Variants in ADK observed in about 807,000 individuals in gnomAD.
ADK encodes N6,N6-dimethyladenosine kinase.
A neutral mutation model predicts 44.7 loss-of-function variants in ADK; 24 were observed. The observed-to-expected ratio is 0.54, with a 90% CI of 0.39 to 0.76. The LOEUF (loss-of-function observed/expected upper bound fraction) is 0.76, where lower values mean the gene tolerates loss of function less well. Among genes scored for constraint, ADK ranks in the 30% least tolerant of loss-of-function variants. The probability of loss-of-function intolerance (pLI) is 0.00; values close to 1 mark genes in which losing one functional copy is unlikely to be tolerated. For missense variants in ADK, 321 were observed against 425.1 expected (o/e 0.76, Z 2.15); for synonymous variants, 128 against 142.6 (o/e 0.90, Z 0.73).
At chr10:74,177,946 T>TATATA (rs1554825917) in intron 1 of ADK, among the ~76,000 whole-genome samples, 74 of 32,252 alleles carry the variant, frequency 2.3e-3, no homozygotes, top group African/African-American at 5.5e-3. Flanking sequence ...TATATATATA[T>TATATA]TTTTTTTTTT....
intron 2 of ADK, among the ~76,000 whole-genome samples, chr10:74,223,300 C>A (rs965385054): frequency 1.3e-5 from 2 of 152,104 alleles, no homozygotes; most frequent in African/African-American, 4.8e-5. Context: ...CATGATAACC[C>A]ATTAATCCAT....
At chr10:74,528,067 G>T in intron 7 of ADK, 2 of 998,270 alleles carry the variant, frequency 2.0e-6, no homozygotes, top group South Asian at 1.3e-5. Context: ...ATAAAATGAC[G>T]ACGTCCTTCT....
At chr10:74,402,522 C>T (rs1424841216) in intron 6 of ADK, among the ~76,000 whole-genome samples, 1 of 152,074 alleles carries the variant, frequency 6.6e-6, no homozygotes, top group Non-Finnish European at 1.5e-5. Context: ...CCCTTTCTTC[C>T]ACTTGATCGA....
Position 74,179,908 on chromosome 10 carries a change from C to G in ADK, c.66-20856C>G, listed in dbSNP as rs375707785. On this transcript the variant is annotated intron_variant, in intron 1 of 10. Transcript: ENST00000539909. ...CCCTCTTGGGGTCTAGATCGGGACC[C>G]CTTTCTGTTAACATTCCCATTTTGT... Among the ~76,000 whole-genome samples the G allele has an allele frequency of 3.1e-4, 47 of 152,238 alleles. 1 individual carries two copies. The Middle Eastern group carries it at 0.01, about 33-fold the overall frequency.
intron 10 of ADK, among the ~76,000 whole-genome samples, chr10:74,673,951 A>G (rs920745318): frequency 2.0e-5 from 3 of 151,980 alleles, no homozygotes; most frequent in African/African-American, 7.2e-5. Flanking sequence ...CCGATGTCCA[A>G]CCGTGGTCTA....
chr10:74,296,824 C>T (rs11000968), intron 3 of ADK, among the ~76,000 whole-genome samples: 19,448 of 151,820 alleles, frequency 0.13, 1,293 homozygotes, highest in Middle Eastern at 0.17. Context: ...CCGTGTTAGC[C>T]AGGATGGTCT....
chr10:74,602,691 A>G (rs1852185838), intron 9 of ADK, among the ~76,000 whole-genome samples: 1 of 152,238 alleles, frequency 6.6e-6, no homozygotes, highest in Non-Finnish European at 1.5e-5. Flanking sequence ...AGGATGCACT[A>G]TATCTGCAAT....
At chr10:74,176,543 G>T in intron 1 of ADK, 1 of 1,278,230 alleles carries the variant, frequency 7.8e-7, no homozygotes, top group Non-Finnish European at 9.9e-7. Flanking sequence ...GCGGGGTGAC[G>T]GGACGCTGTT....
At chr10:74,595,133 A>G (rs1486332308) in intron 8 of ADK, among the ~76,000 whole-genome samples, 1 of 140,490 alleles carries the variant, frequency 7.1e-6, no homozygotes, top group Non-Finnish European at 1.5e-5. Context: ...CTGAAATTGC[A>G]CCATTGCACA....
At chr10:74,513,525 G>A (rs1402178093) in intron 6 of ADK, among the ~76,000 whole-genome samples, 1 of 152,080 alleles carries the variant, frequency 6.6e-6, no homozygotes, top group Non-Finnish European at 1.5e-5. Flanking sequence ...GACTTGAAGA[G>A]TGTTTTACCT....
At chr10:74,623,719 G>A (rs1192422814) in intron 9 of ADK, among the ~76,000 whole-genome samples, 3 of 149,008 alleles carry the variant, frequency 2.0e-5, no homozygotes, top group Non-Finnish European at 4.4e-5. Flanking sequence ...TGTATTCTAG[G>A]CATATATATA....
chr10:74,227,825 A>G (rs1407441204), intron 3 of ADK, among the ~76,000 whole-genome samples: 1 of 152,034 alleles, frequency 6.6e-6, no homozygotes, highest in Non-Finnish European at 1.5e-5. Flanking sequence ...CCTGGGTGAC[A>G]GGGCGAGACT....
chr10:74,326,449 A>G (rs1841016580), intron 4 of ADK, among the ~76,000 whole-genome samples: 1 of 136,304 alleles, frequency 7.3e-6, no homozygotes. Context: ...AAAAAAAAAA[A>G]TTAGCTTGGT....
intron 6 of ADK, among the ~76,000 whole-genome samples, chr10:74,410,656 G>C (rs1181882784): frequency 6.6e-6 from 1 of 152,146 alleles, no homozygotes; most frequent in Non-Finnish European, 1.5e-5. Context: ...ACTCCAGCCT[G>C]GCTGACAGAG....
chr10:74,496,190 T>C (rs1375833894), intron 6 of ADK, among the ~76,000 whole-genome samples: 1 of 152,210 alleles, frequency 6.6e-6, no homozygotes, highest in East Asian at 1.9e-4. Context: ...CACTTCAGCC[T>C]CTACCTCCTG....
intron 6 of ADK, among the ~76,000 whole-genome samples, chr10:74,519,205 A>G (rs2133580859): frequency 6.6e-6 from 1 of 152,134 alleles, no homozygotes; most frequent in East Asian, 1.9e-4. Flanking sequence ...TTTTACATAT[A>G]TACCAGTGAA....
intron 6 of ADK, among the ~76,000 whole-genome samples, chr10:74,488,317 C>T (rs1847341755): frequency 6.6e-6 from 1 of 150,814 alleles, no homozygotes; most frequent in Non-Finnish European, 1.5e-5. Context: ...CAGTATGTAT[C>T]ATAATAGGGT....
chr10:74,266,769 A>C (rs1465264200), intron 3 of ADK, among the ~76,000 whole-genome samples: 3 of 152,168 alleles, frequency 2.0e-5, no homozygotes, highest in Non-Finnish European at 4.4e-5. Flanking sequence ...TTCTAATTTT[A>C]AAGGTTGTAT....
chr10:74,456,497 A>G (rs1229207706), intron 6 of ADK, among the ~76,000 whole-genome samples: 1 of 151,286 alleles, frequency 6.6e-6, no homozygotes, highest in East Asian at 2.0e-4. Flanking sequence ...ACATGGTGAA[A>G]CTCTACTAAA....
Sources: allele counts gnomAD v4.1 joint callset (sites outside exome capture counted in the v4.1 genomes callset), GRCh38; gene constraint gnomAD v4.1.1; transcripts MANE v1.5; gene names NCBI Gene and HGNC (gene_info 2026-07-23, HGNC 2026-07-21).